The following MMD2 variants were observed in gnomAD, a reference collection of about 807,000 sequenced individuals.
MMD2 encodes monocyte to macrophage differentiation associated 2.
In MMD2, 30 loss-of-function variants were observed where a neutral mutation model predicts 33.5. That is an observed-to-expected ratio of 0.90 (90% confidence interval 0.67 to 1.22). MMD2 has a LOEUF of 1.22. Among genes scored for constraint, MMD2 ranks in the 50% most tolerant of loss-of-function variants. The pLI is 0.00. For synonymous variants in MMD2, 129 were observed against 123.0 expected (o/e 1.05, Z -0.32); for missense variants, 364 against 325.4 (o/e 1.12, Z -0.91).
At chr7:4,902,466 G>A (rs1249058375), downstream of MMD2, among the ~76,000 whole-genome samples, 5 of 152,138 alleles carry the variant, frequency 3.3e-5, no homozygotes, top group Non-Finnish European at 7.3e-5. Flanking sequence ...TTCCTGCTTT[G>A]TAATATCAGC....
chr7:4,955,914 G>A (rs189363873), intron 1 of MMD2, among the ~76,000 whole-genome samples: 31 of 152,238 alleles, frequency 2.0e-4, no homozygotes, highest in Admixed American at 1.6e-3. Flanking sequence ...TTAGCCAGGC[G>A]TGGTTGCGGG....
the MMD2 span, among the ~76,000 whole-genome samples, chr7:4,899,106 G>A: frequency 1.3e-5 from 2 of 152,136 alleles, no homozygotes; most frequent in African/African-American, 2.4e-5. Context: ...CTTTGCCCAT[G>A]TGTCAGTCAT....
At chr7:4,902,544 G>A (rs1430511789), downstream of MMD2, among the ~76,000 whole-genome samples, 1 of 152,164 alleles carries the variant, frequency 6.6e-6, no homozygotes, top group Non-Finnish European at 1.5e-5. Context: ...AACCACCAAG[G>A]GAGACTGGCA....
chr7:4,929,761 G>T (rs1326960128), intron 1 of MMD2, among the ~76,000 whole-genome samples: 2 of 152,072 alleles, frequency 1.3e-5, no homozygotes, highest in East Asian at 3.9e-4. Context: ...CTCACCTCAT[G>T]ATCTGCCTGC....
intron 1 of MMD2, among the ~76,000 whole-genome samples, chr7:4,947,395 G>C (rs1478226027): frequency 1.4e-5 from 1 of 69,154 alleles, no homozygotes; most frequent in Non-Finnish European, 2.9e-5. Flanking sequence ...GGGGTGCTAT[G>C]CACTTTTTTT....
chr7:4,943,040 C>T (rs1396753389), intron 1 of MMD2, among the ~76,000 whole-genome samples: 1 of 124,250 alleles, frequency 8.0e-6, no homozygotes, highest in Non-Finnish European at 1.6e-5. Flanking sequence ...GACAGAGTCT[C>T]TCACTGTCAC....
downstream of MMD2, among the ~76,000 whole-genome samples, chr7:4,901,026 G>C (rs920501112): frequency 1.3e-5 from 2 of 151,944 alleles, no homozygotes; most frequent in Non-Finnish European, 2.9e-5. Flanking sequence ...TGTAATCCCA[G>C]CTACTCGGGA....
chr7:4,949,159 G>A (rs56017553), intron 1 of MMD2, among the ~76,000 whole-genome samples: 18,979 of 151,678 alleles, frequency 0.13, 1,461 homozygotes, highest in East Asian at 0.33. Flanking sequence ...GCAGTGAGCC[G>A]AGATCACACA....
At chr7:4,898,554 C>G in the MMD2 span, among the ~76,000 whole-genome samples, 2 of 151,990 alleles carry the variant, frequency 1.3e-5, no homozygotes, top group Non-Finnish European at 2.9e-5. Context: ...ATTTGTGTCC[C>G]TCCAAATTCT....
At chr7:4,953,286 T>C (rs1275668414) in intron 1 of MMD2, among the ~76,000 whole-genome samples, 1 of 151,784 alleles carries the variant, frequency 6.6e-6, no homozygotes, top group Non-Finnish European at 1.5e-5. Context: ...ACCGCCTGGC[T>C]ACTTCCAACA....
chr7:4,944,760 C>CTTCTTTTTT (rs753515128), intron 1 of MMD2, among the ~76,000 whole-genome samples: 2 of 75,278 alleles, frequency 2.7e-5, no homozygotes, highest in African/African-American at 5.8e-5. Context: ...TCTTCTTCTT[C>CTTCTTTTTT]TTTTTTTTTT....
In MMD2 at chr7:4,952,127, G is replaced by A. The variant is rs569008194; in HGVS notation, c.47+6844C>T. Among the ~76,000 whole-genome samples, 9 of 152,354 alleles carry A rather than the reference G, an allele frequency of 5.9e-5. No homozygotes were observed. In the South Asian group the frequency reaches 1.5e-3, roughly 25 times the overall value. ...CGCCCACCACACGCCAGACCATGCT[G>A]GCCCCTTGGGGAACACAAGAGGGTT... is the stretch of plus-strand genomic sequence containing the variant. On this transcript the variant is annotated intron_variant, in intron 1 of 6. Transcript: ENST00000401401.
At chr7:4,912,657 G>A (rs1785045270) in intron 4 of MMD2, among the ~76,000 whole-genome samples, 1 of 151,972 alleles carries the variant, frequency 6.6e-6, no homozygotes, top group African/African-American at 2.4e-5. Context: ...AACAATGGTG[G>A]TGATGACTGA....
chr7:4,911,973 A>G (rs1247161348), intron 4 of MMD2, among the ~76,000 whole-genome samples: 1 of 151,858 alleles, frequency 6.6e-6, no homozygotes, highest in Non-Finnish European at 1.5e-5. Context: ...TAATTATTTT[A>G]AGAGACAGGG....
At chr7:4,926,192 G>A (rs1785422640) in intron 1 of MMD2, among the ~76,000 whole-genome samples, 1 of 150,278 alleles carries the variant, frequency 6.7e-6, no homozygotes, top group East Asian at 2.0e-4. Context: ...CCACCTCCTG[G>A]GCTCAAGTGA....
chr7:4,892,480 C>G, the MMD2 span, among the ~76,000 whole-genome samples: 1 of 151,166 alleles, frequency 6.6e-6, no homozygotes, highest in Non-Finnish European at 1.5e-5. Context: ...CCCAGCTACT[C>G]GGGAGGCTGA....
At chr7:4,897,444 C>T in the MMD2 span, among the ~76,000 whole-genome samples, 1 of 151,902 alleles carries the variant, frequency 6.6e-6, no homozygotes, top group Admixed American at 6.6e-5. Flanking sequence ...AAAGTCATGC[C>T]GCAAACGCCA....
the MMD2 span, among the ~76,000 whole-genome samples, chr7:4,896,749 C>T: frequency 6.6e-6 from 1 of 152,152 alleles, no homozygotes; most frequent in Admixed American, 6.6e-5. Context: ...TTTTCATTTT[C>T]TTTGTCTTTT....
At chr7:4,895,772 G>C in the MMD2 span, among the ~76,000 whole-genome samples, 11 of 152,016 alleles carry the variant, frequency 7.2e-5, no homozygotes, top group African/African-American at 2.7e-4. Context: ...CTGACCTCGT[G>C]ATCTGCCCAT....
Sources: gnomAD v4.1 joint callset for allele counts (sites outside exome capture counted in the v4.1 genomes callset) on GRCh38, gnomAD v4.1.1 for gene constraint, MANE v1.5 for transcripts, NCBI Gene and HGNC (gene_info 2026-07-23, HGNC 2026-07-21) for gene names.